The following GNG2 variants were observed in gnomAD, a reference collection of about 807,000 sequenced individuals.
The protein encoded by GNG2 is G protein subunit gamma 2.
A neutral mutation model predicts 5.5 loss-of-function variants in GNG2; 5 were observed. The ratio of observed to expected loss-of-function variants is 0.91; its 90% CI spans 0.48 to 1.92. The LOEUF is 1.92. Among genes scored for constraint, GNG2 ranks in the 30% most tolerant of loss-of-function variants. The pLI, the probability that GNG2 is intolerant of heterozygous loss-of-function variation, is 0.01. For synonymous variants in GNG2, 28 were observed against 32.0 expected, an observed-to-expected ratio of 0.88 and a Z score of 0.42; for missense variants, 55 against 88.4, an observed-to-expected ratio of 0.62 and a Z score of 1.52.
chr14:51,835,982 T>C (rs1372737954), intron 2 of GNG2, among the ~76,000 whole-genome samples: 2 of 151,800 alleles, frequency 1.3e-5, no homozygotes, highest in African/African-American at 2.4e-5. Flanking sequence ...CAGAACACTA[T>C]AGACTGGGTG....
chr14:51,845,293 C>A (rs958550659), intron 2 of GNG2, among the ~76,000 whole-genome samples: 2 of 152,126 alleles, frequency 1.3e-5, no homozygotes, highest in Non-Finnish European at 2.9e-5. Flanking sequence ...GAGTTTGAGA[C>A]CAACCCGAGC....
intron 3 of GNG2, among the ~76,000 whole-genome samples, chr14:51,953,217 C>T (rs1889089008): frequency 1.3e-5 from 2 of 152,114 alleles, no homozygotes; most frequent in South Asian, 4.1e-4. Flanking sequence ...GCTGTTTGTT[C>T]AGTTGTTCAT....
At chr14:51,844,662 TC>T (rs1881574622) in intron 2 of GNG2, among the ~76,000 whole-genome samples, 2 of 152,146 alleles carry the variant, frequency 1.3e-5, no homozygotes, top group African/African-American at 4.8e-5. Context: ...TACCATAGTT[TC>T]CAGCTGACTC....
At chr14:51,960,070 T>TTC (rs1566716149) in intron 3 of GNG2, among the ~76,000 whole-genome samples, 1 of 151,528 alleles carries the variant, frequency 6.6e-6, no homozygotes, top group East Asian at 1.9e-4. Context: ...TCAAATATTT[T>TTC]TTCTTTATCT....
intron 2 of GNG2, among the ~76,000 whole-genome samples, chr14:51,843,939 C>G (rs2790501): frequency 0.081 from 12,390 of 152,222 alleles, 708 homozygotes; most frequent in East Asian, 0.28. Flanking sequence ...CCCCCTTTCT[C>G]CTCCCCACCC....
chr14:51,916,313 A>G (rs1244541310), intron 2 of GNG2: 1 of 338,652 alleles, frequency 3.0e-6, no homozygotes, highest in Non-Finnish European at 5.7e-6. Context: ...GGGTGCTGGA[A>G]CACATCCATT....
At chr14:51,871,877 A>G (rs180869307) in intron 1 of GNG2, among the ~76,000 whole-genome samples, 16 of 152,320 alleles carry the variant, frequency 1.1e-4, no homozygotes, top group African/African-American at 2.9e-4. Flanking sequence ...TTAGCCATCA[A>G]TATCTCCAGT....
intron 1 of GNG2, among the ~76,000 whole-genome samples, chr14:51,827,349 G>C (rs1003578549): frequency 6.6e-6 from 1 of 152,212 alleles, no homozygotes. Context: ...TGTTAGAATT[G>C]CAAACTCTTG....
upstream of GNG2, among the ~76,000 whole-genome samples, chr14:51,858,706 A>C (rs1042595947): frequency 6.6e-6 from 1 of 152,208 alleles, no homozygotes; most frequent in Non-Finnish European, 1.5e-5. Context: ...ATTTACATTT[A>C]AAAGTTCCTG....
chr14:51,889,679 T>A (rs1884716626), intron 2 of GNG2, among the ~76,000 whole-genome samples: 1 of 152,238 alleles, frequency 6.6e-6, no homozygotes. Context: ...TTGGTTGTAC[T>A]GCACCTATAT....
At chr14:51,827,802 G>A in exon 2 of GNG2, 1 of 690,192 alleles carries the variant, frequency 1.4e-6, no homozygotes, top group Non-Finnish European at 2.6e-6. Flanking sequence ...GTACCTTCAG[G>A]CAAAGGTAGG....
At chr14:51,878,740 T>A (rs1203949971) in intron 2 of GNG2, among the ~76,000 whole-genome samples, 1 of 152,238 alleles carries the variant, frequency 6.6e-6, no homozygotes, top group South Asian at 2.1e-4. Context: ...CTGTCAGAGA[T>A]GTACTGACCT....
At chr14:51,848,462 T>C (rs1346415330) in intron 2 of GNG2, among the ~76,000 whole-genome samples, 1 of 152,172 alleles carries the variant, frequency 6.6e-6, no homozygotes, top group African/African-American at 2.4e-5. Flanking sequence ...GCTCTATCCA[T>C]GCTGACCCCT....
intron 2 of GNG2, among the ~76,000 whole-genome samples, chr14:51,893,958 C>T (rs923702667): frequency 6.6e-6 from 1 of 151,924 alleles, no homozygotes; most frequent in Non-Finnish European, 1.5e-5. Context: ...TTTTCTATTC[C>T]AATGTCAATG....
intron 2 of GNG2, among the ~76,000 whole-genome samples, chr14:51,923,087 T>C (rs1887111465): frequency 1.3e-5 from 2 of 152,204 alleles, no homozygotes; most frequent in African/African-American, 4.8e-5. Context: ...AATACCGTTA[T>C]TTAAAAATGA....
At chr14:51,878,805 T>C (rs781271253) in intron 2 of GNG2, among the ~76,000 whole-genome samples, 5 of 152,258 alleles carry the variant, frequency 3.3e-5, no homozygotes, top group Admixed American at 6.5e-5. Context: ...TTTAAGTACC[T>C]AATGTCTTTC....
intron 2 of GNG2, among the ~76,000 whole-genome samples, chr14:51,895,538 CA>C (rs1164940539): frequency 6.6e-5 from 10 of 152,090 alleles, no homozygotes; most frequent in Non-Finnish European, 1.3e-4. Flanking sequence ...GAAAAAAGGC[CA>C]GATAATATTC....
At chr14:51,840,752 C>T (rs1352251690) in intron 2 of GNG2, among the ~76,000 whole-genome samples, 2 of 152,194 alleles carry the variant, frequency 1.3e-5, no homozygotes, top group Non-Finnish European at 2.9e-5. Flanking sequence ...TTTCAGAGCT[C>T]TGTAAATGAC....
At chr14:51,887,331 T>G (rs1190911433) in intron 2 of GNG2, among the ~76,000 whole-genome samples, 7 of 152,176 alleles carry the variant, frequency 4.6e-5, no homozygotes, top group African/African-American at 1.4e-4. Context: ...ACCTGGCTAG[T>G]GGGTTGAGTG....
Sources: allele counts gnomAD v4.1 joint callset (sites outside exome capture counted in the v4.1 genomes callset), GRCh38; gene constraint gnomAD v4.1.1; transcripts MANE v1.5; gene names NCBI Gene and HGNC (gene_info 2026-07-23, HGNC 2026-07-21).